TMEM217B: variants seen among roughly 807,000 people sequenced by gnomAD.
TMEM217B encodes transmembrane protein 217B.
chr6:37,219,112 T>C, the TMEM217B span: 1 of 1,356,490 alleles, frequency 7.4e-7, no homozygotes, highest in Non-Finnish European at 1.0e-6. Context: ...GGTTTCTGCC[T>C]CCTTCCCCAA....
chr6:37,252,852 C>T, the TMEM217B span, among the ~76,000 whole-genome samples: 1 of 151,672 alleles, frequency 6.6e-6, no homozygotes, highest in African/African-American at 2.4e-5. Flanking sequence ...GTTGCCCAGG[C>T]TGGTCTCGAA....
chr6:37,256,641 T>C, the TMEM217B span, among the ~76,000 whole-genome samples: 1 of 151,374 alleles, frequency 6.6e-6, no homozygotes, highest in Non-Finnish European at 1.5e-5. Context: ...AAACCGTCGT[T>C]GGAGGACATA....
the TMEM217B span, among the ~76,000 whole-genome samples, chr6:37,253,031 T>C: frequency 6.6e-6 from 1 of 152,132 alleles, no homozygotes; most frequent in African/African-American, 2.4e-5. Flanking sequence ...CTACCAAAAT[T>C]TGCTTAATTT....
the TMEM217B span, among the ~76,000 whole-genome samples, chr6:37,226,707 G>A: frequency 6.6e-6 from 1 of 151,974 alleles, no homozygotes; most frequent in Non-Finnish European, 1.5e-5. Flanking sequence ...GATTACAGGC[G>A]CGTGCAACCA....
chr6:37,212,999 G>T, the TMEM217B span: 1 of 1,531,784 alleles, frequency 6.5e-7, no homozygotes, highest in Non-Finnish European at 8.8e-7. Context: ...AGCACCTCCT[G>T]CAGGAAGAAA....
the TMEM217B span, among the ~76,000 whole-genome samples, chr6:37,243,529 G>T: frequency 2.0e-5 from 3 of 152,118 alleles, no homozygotes; most frequent in Admixed American, 6.5e-5. Context: ...ATATGAGGCT[G>T]GCCATATCAT....
chr6:37,229,924 TG>T, the TMEM217B span, among the ~76,000 whole-genome samples: 1 of 152,242 alleles, frequency 6.6e-6, no homozygotes, highest in African/African-American at 2.4e-5. Flanking sequence ...AAGGTAGAAA[TG>T]GAGGTATCCT....
At chr6:37,233,062 T>C in the TMEM217B span, among the ~76,000 whole-genome samples, 1 of 152,300 alleles carries the variant, frequency 6.6e-6, no homozygotes, top group Middle Eastern at 3.4e-3. Context: ...TGGTCTTCAG[T>C]TTGGAGCTTT....
chr6:37,237,481 C>T, the TMEM217B span, among the ~76,000 whole-genome samples: 1 of 152,176 alleles, frequency 6.6e-6, no homozygotes, highest in Non-Finnish European at 1.5e-5. Flanking sequence ...GAAATTATTG[C>T]AAGTCTTGCA....
chr6:37,253,570 C>T, the TMEM217B span, among the ~76,000 whole-genome samples: 18 of 152,264 alleles, frequency 1.2e-4, no homozygotes, highest in East Asian at 3.5e-3. Flanking sequence ...GCTGTTAAAT[C>T]CCAGCTTGAC....
At chr6:37,220,914 T>C in the TMEM217B span, among the ~76,000 whole-genome samples, 1 of 152,092 alleles carries the variant, frequency 6.6e-6, no homozygotes, top group Non-Finnish European at 1.5e-5. Context: ...TTTATTATAG[T>C]ATAATTCATG....
chr6:37,234,985 A>T, the TMEM217B span, among the ~76,000 whole-genome samples: 1 of 152,220 alleles, frequency 6.6e-6, no homozygotes, highest in Admixed American at 6.5e-5. Context: ...ATAAACCCAG[A>T]TCATTAAATA....
At chr6:37,238,931 G>A in the TMEM217B span, among the ~76,000 whole-genome samples, 1 of 152,094 alleles carries the variant, frequency 6.6e-6, no homozygotes, top group Non-Finnish European at 1.5e-5. Context: ...AGGAGTTCAA[G>A]ACCAGCCAGC....
the TMEM217B span, among the ~76,000 whole-genome samples, chr6:37,242,576 G>C: frequency 6.6e-6 from 1 of 152,154 alleles, no homozygotes; most frequent in Non-Finnish European, 1.5e-5. Context: ...ACCAGCCCCA[G>C]CTTGGAATGA....
chr6:37,215,259 C>T, the TMEM217B span: 1 of 1,613,676 alleles, frequency 6.2e-7, no homozygotes, highest in Non-Finnish European at 8.5e-7. Flanking sequence ...TGGAGACAGA[C>T]AGGTAAATAT....
the TMEM217B span, among the ~76,000 whole-genome samples, chr6:37,249,551 C>A: frequency 1.3e-5 from 2 of 152,184 alleles, no homozygotes; most frequent in Non-Finnish European, 2.9e-5. Flanking sequence ...GAACTCCTGA[C>A]CTCAAGTGAT....
chr6:37,253,196 A>G, the TMEM217B span, among the ~76,000 whole-genome samples: 1 of 152,198 alleles, frequency 6.6e-6, no homozygotes, highest in South Asian at 2.1e-4. Flanking sequence ...ATGGTATAAC[A>G]TGGTTCAAGT....
chr6:37,252,637 ATTTTTTTT>A, the TMEM217B span, among the ~76,000 whole-genome samples: 3,268 of 71,218 alleles, frequency 0.046, 148 homozygotes, highest in African/African-American at 0.15. Flanking sequence ...ATATATATAT[ATTTTTTTT>A]TTTTTTTTTT....
the TMEM217B span, chr6:37,218,872 A>G: frequency 6.2e-7 from 1 of 1,614,080 alleles, no homozygotes; most frequent in African/African-American, 1.3e-5. Context: ...TTATGATGTT[A>G]CTTGCACCCC....
Sources: gnomAD v4.1 joint callset for allele counts (sites outside exome capture counted in the v4.1 genomes callset) on GRCh38, gnomAD v4.1.1 for gene constraint, MANE v1.5 for transcripts, NCBI Gene and HGNC (gene_info 2026-07-23, HGNC 2026-07-21) for gene names.